The following MTUS2 variants were observed in gnomAD, a reference collection of about 807,000 sequenced individuals.
The protein encoded by MTUS2 is microtubule associated scaffold protein 2.
MTUS2 carries 40 observed loss-of-function variants against 114.1 expected under a neutral mutation model. That is an observed-to-expected ratio of 0.35 (90% CI 0.27 to 0.46). MTUS2 has a LOEUF of 0.46. Ranked by LOEUF, MTUS2 falls within the 20% of genes least tolerant of loss-of-function variation. The probability of loss-of-function intolerance (pLI) is 1.00; values close to 1 mark genes in which losing one functional copy is unlikely to be tolerated. For missense variants in MTUS2, 1,679 were observed against 1,705.4 expected (o/e 0.98, Z 0.27); for synonymous variants, 688 against 672.0 (o/e 1.02, Z -0.37).
intron 8 of MTUS2, among the ~76,000 whole-genome samples, chr13:29,375,020 G>C (rs1296432395): frequency 2.0e-5 from 3 of 152,178 alleles, no homozygotes; most frequent in Admixed American, 2.0e-4. Flanking sequence ...TAAAAGAACT[G>C]TTAAAGAAAT....
At chr13:28,963,047 T>C (rs375212515) in intron 2 of MTUS2, among the ~76,000 whole-genome samples, 27 of 152,314 alleles carry the variant, frequency 1.8e-4, no homozygotes, top group African/African-American at 5.5e-4. Flanking sequence ...AACTCATTCT[T>C]TTAATTGAAA....
chr13:29,388,922 C>T (rs962205620), intron 8 of MTUS2, among the ~76,000 whole-genome samples: 7 of 151,820 alleles, frequency 4.6e-5, no homozygotes, highest in African/African-American at 1.2e-4. Flanking sequence ...TCTCATTGTA[C>T]GTATATAGCT....
intron 7 of MTUS2, 80 bp from the exon 8 acceptor site, chr13:29,359,182 T>A: frequency 7.6e-7 from 1 of 1,315,810 alleles, no homozygotes; most frequent in Non-Finnish European, 1.0e-6. Context: ...GAAGAACTCC[T>A]TGTGTAATAA....
intron 9 of MTUS2, among the ~76,000 whole-genome samples, chr13:29,471,698 G>A (rs1358624514): frequency 6.6e-6 from 1 of 150,872 alleles, no homozygotes; most frequent in African/African-American, 2.4e-5. Flanking sequence ...GTGGACAAGA[G>A]GAGAGGCTTC....
chr13:29,144,246 G>A (rs1892340373), intron 5 of MTUS2, among the ~76,000 whole-genome samples: 1 of 152,160 alleles, frequency 6.6e-6, no homozygotes, highest in Admixed American at 6.5e-5. Context: ...CACATTTTCT[G>A]TTTCTGTGGG....
chr13:29,487,994 A>G lies in MTUS2; in HGVS notation c.3494A>G (p.His1165Arg). 1.2e-6 allele frequency: 2 copies of G among 1,613,644 alleles called. No individual in the cohort carries two copies. The highest frequency in any genetic ancestry group is 1.7e-6 in the Non-Finnish European group (2 of 1,179,690). The change falls in exon 11 of 16, where the codon CAC (histidine) becomes CGC (arginine). Residue 1165 changes from histidine (H) to arginine (R), a missense_variant. Physicochemically the swap from His to Arg is conservative, Grantham distance 29 (BLOSUM62 0). Coordinates refer to ENST00000612955, the MANE Select transcript of MTUS2 (RefSeq NM_001033602.4). ...ACAATCCTGCAGGATGACCACGACC[A>G]CAAAGTCCAAGGTAGCTCCCAGCCT... ...AITILQDDHD[H>R]KVQELMSTHE...
intron 8 of MTUS2, among the ~76,000 whole-genome samples, chr13:29,439,142 T>C (rs1877641551): frequency 6.6e-6 from 1 of 152,220 alleles, no homozygotes; most frequent in Admixed American, 6.5e-5. Context: ...GAGACTTTCT[T>C]TGAAGGCCTG....
At chr13:29,156,890 C>T (rs369826285) in intron 5 of MTUS2, among the ~76,000 whole-genome samples, 19 of 152,226 alleles carry the variant, frequency 1.2e-4, no homozygotes, top group Middle Eastern at 3.4e-3. Flanking sequence ...GGTATACATA[C>T]GCATTCTGTG....
At chr13:29,108,291 C>A (rs1452920229) in intron 5 of MTUS2, among the ~76,000 whole-genome samples, 1 of 152,174 alleles carries the variant, frequency 6.6e-6, no homozygotes, top group Admixed American at 6.5e-5. Flanking sequence ...TTAATGATGT[C>A]TTTGTTCATT....
At chr13:28,914,242 A>T (rs1880621513) in intron 2 of MTUS2, among the ~76,000 whole-genome samples, 1 of 152,044 alleles carries the variant, frequency 6.6e-6, no homozygotes, top group Admixed American at 6.6e-5. Flanking sequence ...AGTGCTATAA[A>T]TTTTCCTCTT....
At chr13:28,944,835 C>T (rs1177274302) in intron 2 of MTUS2, among the ~76,000 whole-genome samples, 1 of 152,116 alleles carries the variant, frequency 6.6e-6, no homozygotes, top group Non-Finnish European at 1.5e-5. Context: ...TGTCTTATAA[C>T]AAATTTGTAT....
At chr13:28,831,400 C>T (rs192759794) in intron 1 of MTUS2, among the ~76,000 whole-genome samples, 74 of 152,288 alleles carry the variant, frequency 4.9e-4, no homozygotes, top group Admixed American at 4.7e-3. Flanking sequence ...CCATTCACCA[C>T]ACTCACTTTA....
chr13:29,187,401 G>T (rs1246624075), intron 5 of MTUS2, among the ~76,000 whole-genome samples: 15 of 152,076 alleles, frequency 9.9e-5, no homozygotes, highest in Admixed American at 9.8e-4. Flanking sequence ...CTAAAATCAG[G>T]TATGAAAGAG....
intron 2 of MTUS2, among the ~76,000 whole-genome samples, chr13:28,912,497 C>G (rs1880499380): frequency 6.6e-6 from 1 of 151,986 alleles, no homozygotes; most frequent in South Asian, 2.1e-4. Context: ...TATATGGGCT[C>G]TTTTTTGGTT....
chr13:29,016,374 T>C (rs2138440773), intron 2 of MTUS2, among the ~76,000 whole-genome samples: 1 of 151,986 alleles, frequency 6.6e-6, no homozygotes, highest in African/African-American at 2.4e-5. Flanking sequence ...TTTAAGGGTA[T>C]GCTTGAAATG....
At chr13:29,071,014 TA>T (rs1217020568) in intron 4 of MTUS2, among the ~76,000 whole-genome samples, 1 of 152,084 alleles carries the variant, frequency 6.6e-6, no homozygotes, top group Non-Finnish European at 1.5e-5. Context: ...TTTATTGATT[TA>T]TTTTTTTGAG....
At chr13:29,280,643 C>T (rs1898231287) in intron 5 of MTUS2, among the ~76,000 whole-genome samples, 1 of 152,134 alleles carries the variant, frequency 6.6e-6, no homozygotes, top group Non-Finnish European at 1.5e-5. Flanking sequence ...AAAATTTAAT[C>T]CTTTACTAAA....
chr13:29,418,056 A>G (rs1875803494), intron 8 of MTUS2, among the ~76,000 whole-genome samples: 1 of 152,118 alleles, frequency 6.6e-6, no homozygotes, highest in Non-Finnish European at 1.5e-5. Flanking sequence ...GACCTGAGCT[A>G]AAACTCTGTT....
intron 8 of MTUS2, among the ~76,000 whole-genome samples, chr13:29,399,698 T>C (rs1413865076): frequency 6.6e-6 from 1 of 151,980 alleles, no homozygotes; most frequent in African/African-American, 2.4e-5. Flanking sequence ...GGCCAACGTA[T>C]GAAAGTTCCA....
Sources: allele counts gnomAD v4.1 joint callset (sites outside exome capture counted in the v4.1 genomes callset), GRCh38; gene constraint gnomAD v4.1.1; transcripts MANE v1.5; gene names NCBI Gene and HGNC (gene_info 2026-07-23, HGNC 2026-07-21).